Variants in SERPINE3 observed in about 807,000 individuals in gnomAD.
The protein encoded by SERPINE3 is serpin family E member 3.
In SERPINE3, 43 loss-of-function variants were observed where a neutral mutation model predicts 41.7. The observed-to-expected ratio is 1.03, with a 90% CI of 0.81 to 1.33. The LOEUF is 1.33. SERPINE3 is among the 40% of genes most tolerant of loss of function. SERPINE3 has a pLI of 0.00. For synonymous variants in SERPINE3, 200 were observed against 192.2 expected, an observed-to-expected ratio of 1.04 and a Z score of -0.34; for missense variants, 440 against 491.7, an observed-to-expected ratio of 0.89 and a Z score of 0.99.
rs757517701 is a variant in SERPINE3 at position 51,364,088 on chromosome 13, T to C, written c.1172-151T>C. The C allele has an allele frequency of 7.1e-5, 29 of 409,196 alleles. 1 individual carries two copies. The highest frequency in any genetic ancestry group is 9.9e-5 in the Non-Finnish European group (23 of 233,248). 25.3% of individuals were successfully genotyped at this position (409,196 alleles called of 1,614,324 possible). On this transcript the variant is annotated intron_variant, in intron 9 of 9. Transcript: ENST00000681248. ...GATTTTGTGTAACTCTCAATGAATT[T>C]AGCAATGTGACTACAGGCAATTACC...
rs775407364 is a variant in SERPINE3 at position 51,341,119 on chromosome 13, C to A, written c.28C>A (p.Leu10Ile). 1.2e-6 allele frequency: 2 copies of A among 1,614,036 alleles called. No individual in the cohort carries two copies. Among genetic ancestry groups the A allele is most frequent in the Non-Finnish European group, 1.7e-6 (2 of 1,179,900 alleles). ...GCCGCCTTTCCTGATCACCCTCTTC[C>A]TCTTTCACTCTTGCTGCCTCCGAGC... Reference protein sequence around the residue: MPPFLITLFLFHSCCLRANG... With the variant: MPPFLITLFIFHSCCLRANG... Residue 10 changes from leucine (L) to isoleucine (I), a missense_variant, in exon 3 of 10, where the codon CTC becomes ATC. Physicochemically the swap from Leu to Ile is conservative, Grantham distance 5. Transcript: ENST00000681248.
intron 6 of SERPINE3, chr13:51,348,662 C>T: frequency 3.5e-6 from 1 of 286,296 alleles, no homozygotes; most frequent in Non-Finnish European, 5.6e-6. Context: ...ACAAGATATT[C>T]TGCCTTCACT....
intron 7 of SERPINE3, among the ~76,000 whole-genome samples, chr13:51,360,350 T>G (rs1174922390): frequency 6.6e-6 from 1 of 151,988 alleles, no homozygotes; most frequent in Non-Finnish European, 1.5e-5. Context: ...GAGTGGGCTT[T>G]CAATCAGAAT....
intron 6 of SERPINE3, among the ~76,000 whole-genome samples, chr13:51,349,533 G>A (rs1008410355): frequency 1.3e-5 from 2 of 152,198 alleles, no homozygotes; most frequent in Non-Finnish European, 2.9e-5. Flanking sequence ...GCAGCGTTCC[G>A]TGTCAAAAGT....
intron 7 of SERPINE3, among the ~76,000 whole-genome samples, chr13:51,358,881 T>C (rs371811256): frequency 1.8e-4 from 28 of 152,190 alleles, no homozygotes; most frequent in South Asian, 1.2e-3. Context: ...CCAAAGTATG[T>C]TCCCAAAATG....
chr13:51,354,888 G>A (rs1160561887), intron 6 of SERPINE3, among the ~76,000 whole-genome samples, 155 bp from the exon 7 acceptor site: 1 of 152,148 alleles, frequency 6.6e-6, no homozygotes, highest in Non-Finnish European at 1.5e-5. Flanking sequence ...GGTCAGATTA[G>A]GGCTTATGGG....
rs371882052 is a variant in SERPINE3, at chr13:51,358,578, C to T, written c.1001-2700C>T. 5.9e-5 allele frequency among the ~76,000 whole-genome samples: 9 copies of T among 152,138 alleles called. No homozygotes were observed. The East Asian group carries it at 7.7e-4, about 13-fold the overall frequency. Reference sequence around the variant, plus strand: ...AAGGTTAAAGAACATTAAGGCCATTCGTATAGTGGTAAGGGGTGTCTATTA... The same window carrying T: ...AAGGTTAAAGAACATTAAGGCCATTTGTATAGTGGTAAGGGGTGTCTATTA... On this transcript the variant is annotated intron_variant, in intron 7 of 9. Coordinates refer to ENST00000681248, the MANE Select transcript of SERPINE3 (RefSeq NM_001386375.1).
intron 7 of SERPINE3, among the ~76,000 whole-genome samples, chr13:51,360,671 AAATT>A (rs1292265947): frequency 6.6e-6 from 1 of 152,086 alleles, no homozygotes; most frequent in East Asian, 1.9e-4. Flanking sequence ...CCCATGAGGC[AAATT>A]AATTGCATAA....
intron 7 of SERPINE3, among the ~76,000 whole-genome samples, chr13:51,360,768 G>T (rs1242019308): frequency 2.0e-5 from 3 of 152,020 alleles, no homozygotes; most frequent in Admixed American, 2.0e-4. Flanking sequence ...AATAAAGCCT[G>T]TAATAAAAAC....
At chr13:51,342,004 G>A (rs1204572711) in intron 3 of SERPINE3, among the ~76,000 whole-genome samples, 4 of 152,020 alleles carry the variant, frequency 2.6e-5, no homozygotes, top group East Asian at 1.9e-4. Context: ...CGGCTTTGCC[G>A]GCAGCAGCAT....
At position 51,364,225 on chromosome 13, in the gene SERPINE3, C is replaced by T. The variant is rs932420402; in HGVS notation, c.1172-14C>T. The T allele has an allele frequency of 8.0e-6, 11 of 1,374,698 alleles. No homozygotes were observed. Among genetic ancestry groups the T allele is most frequent in the Non-Finnish European group, 1.1e-5 (11 of 1,016,050 alleles). The allele number at this position is 1,374,698 out of a possible 1,614,324, so 85.2% of individuals were successfully genotyped here. The stretch of plus-strand genomic sequence containing the variant: ...AAATACTATATAATATTAAATTCTT[C>T]TTTTTCTTGACAGGGTTTGTCTTCA... On this transcript the variant is annotated splice_polypyrimidine_tract_variant and intron_variant, in intron 9 of 9. Coordinates refer to ENST00000681248, the MANE Select transcript of SERPINE3 (RefSeq NM_001386375.1).
At chr13:51,359,396 A>G (rs1289150531) in intron 7 of SERPINE3, among the ~76,000 whole-genome samples, 2 of 152,124 alleles carry the variant, frequency 1.3e-5, no homozygotes, top group African/African-American at 4.8e-5. Flanking sequence ...ATAAAATTTA[A>G]AAGATGCTGA....
chr13:51,362,028 G>C lies in SERPINE3; in HGVS notation c.1171+135G>C, dbSNP rs373202476. ...TTTATGGTGCTTCAGAAGCTACCCAGTTGCTATCTTCTATCCTAAGAAAGG... is the reference window on the plus strand; with the variant it reads ...TTTATGGTGCTTCAGAAGCTACCCACTTGCTATCTTCTATCCTAAGAAAGG... On this transcript the variant is annotated intron_variant, in intron 9 of 9. Coordinates refer to ENST00000681248, the MANE Select transcript of SERPINE3 (RefSeq NM_001386375.1). The C allele has an allele frequency of 4.4e-6, 7 of 1,601,672 alleles. No homozygotes were observed. The East Asian group carries it at 6.7e-5, about 15-fold the overall frequency.
In SERPINE3 at chr13:51,347,010, C is replaced by T. The variant is rs1299605544; in HGVS notation, c.491-15C>T. ...GCACATTTAACCCATGGCCACCTTG[C>T]TTTCCTGCTTGCAGGTGGGGGCCCC... On this transcript the variant is annotated splice_polypyrimidine_tract_variant and intron_variant, in intron 4 of 9. Coordinates refer to ENST00000681248, the MANE Select transcript of SERPINE3 (RefSeq NM_001386375.1). 3 of 1,558,904 alleles carry T rather than the reference C, an allele frequency of 1.9e-6. No homozygotes were observed. The highest frequency in any genetic ancestry group is 1.2e-5 in the South Asian group (1 of 84,858).
In SERPINE3 at chr13:51,348,250, G is replaced by T; in HGVS notation, c.738G>T (p.Val246=). The change falls in exon 6 of 10, where the codon GTG becomes GTT. Residue 246 remains valine, a synonymous_variant. Transcript: ENST00000681248. ...FQDTAGHQVG[V]LELPYLGSAV... Reference sequence around the variant, plus strand: ...ACACTGCAGGCCATCAGGTGGGGGTGCTGGAGCTTCCTTACCTGGGAAGTG... The same window carrying T: ...ACACTGCAGGCCATCAGGTGGGGGTTCTGGAGCTTCCTTACCTGGGAAGTG... The T allele has an allele frequency of 6.2e-7, 1 of 1,603,906 alleles. No homozygotes were observed. The highest frequency in any genetic ancestry group is 8.5e-7 in the Non-Finnish European group (1 of 1,175,202).
chr13:51,354,902 G>GCGC (rs1367616481), intron 6 of SERPINE3, 141 bp from the exon 7 acceptor site: 1 of 614,958 alleles, frequency 1.6e-6, no homozygotes, highest in African/African-American at 1.9e-5. Context: ...TTATGGGAAG[G>GCGC]CGCCATGGAA....
intron 7 of SERPINE3, among the ~76,000 whole-genome samples, chr13:51,357,021 T>G (rs1003183293): frequency 2.6e-5 from 4 of 152,094 alleles, no homozygotes; most frequent in Admixed American, 6.6e-5. Flanking sequence ...TTTTGTGAAG[T>G]TTAATTAAAA....
rs757721139 is a variant in SERPINE3, at chr13:51,341,360, C to T, written c.256+13C>T. 1 of 1,569,788 alleles carries T rather than the reference C, an allele frequency of 6.4e-7. No individual in the cohort carries two copies. Among genetic ancestry groups the T allele is most frequent in the Non-Finnish European group, 8.6e-7 (1 of 1,156,140 alleles). On this transcript the variant is annotated intron_variant, in intron 3 of 9. Transcript: ENST00000681248. ...TACACTGTCCATGGTAAGAGGCCTG[C>T]CCACGTGCACACTCACTTACCCTCC...
chr13:51,342,178 C>CAA (rs869298134), intron 3 of SERPINE3, among the ~76,000 whole-genome samples: 2,305 of 62,872 alleles, frequency 0.037, 46 homozygotes, highest in African/African-American at 0.086. Context: ...AAAGACAGAA[C>CAA]AAAAAAAAAA....
Sources: gnomAD v4.1 joint callset for allele counts (sites outside exome capture counted in the v4.1 genomes callset) on GRCh38, gnomAD v4.1.1 for gene constraint, MANE v1.5 for transcripts, NCBI Gene and HGNC (gene_info 2026-07-23, HGNC 2026-07-21) for gene names.